PEBP4: variants seen among roughly 807,000 people sequenced by gnomAD.
PEBP4 encodes the protein phosphatidylethanolamine binding protein 4, also known as phosphatidylethanolamine-binding protein 4.
Under a neutral mutation model 23.9 loss-of-function variants are expected in PEBP4, and 22 were observed. That is an observed-to-expected ratio of 0.92 (90% confidence interval 0.66 to 1.31). PEBP4 has a LOEUF of 1.31. PEBP4 is among the 40% of genes most tolerant of loss of function. The probability of loss-of-function intolerance (pLI) is 0.00; values close to 1 mark genes in which losing one functional copy is unlikely to be tolerated. For missense variants in PEBP4, 324 were observed against 281.7 expected, an observed-to-expected ratio of 1.15 and a Z score of -1.07; for synonymous variants, 112 against 99.3, an observed-to-expected ratio of 1.13 and a Z score of -0.76.
intron 4 of PEBP4, among the ~76,000 whole-genome samples, chr8:22,802,111 G>A (rs1462542218): frequency 4.6e-5 from 7 of 151,960 alleles, no homozygotes; most frequent in African/African-American, 1.7e-4. Context: ...CTTCCCAAAC[G>A]CTCCGGACTG....
At chr8:22,765,835 C>T (rs934042821) in intron 4 of PEBP4, among the ~76,000 whole-genome samples, 2 of 145,216 alleles carry the variant, frequency 1.4e-5, no homozygotes, top group African/African-American at 2.6e-5. Context: ...TGTGGATCAC[C>T]ACCATTCATG....
At chr8:22,788,692 A>G (rs140569958) in intron 4 of PEBP4, among the ~76,000 whole-genome samples, 3 of 152,242 alleles carry the variant, frequency 2.0e-5, no homozygotes, top group African/African-American at 7.2e-5. Flanking sequence ...AAATTGATAC[A>G]AGGATTCTAC....
chr8:22,845,361 C>A (rs1279031138), intron 3 of PEBP4, among the ~76,000 whole-genome samples: 1 of 118,090 alleles, frequency 8.5e-6, no homozygotes, highest in Non-Finnish European at 1.8e-5. Context: ...TACCAGGACG[C>A]ATCTCTACAA....
rs578043614 is a variant in PEBP4 at position 22,739,240 on chromosome 8, C to T, written c.358-12020G>A. ...GGCACCCCAGGTGCTGCCCTCCTCCCGTGCTGCATGTAGGAGGCTGCAGGT... is the reference window on the plus strand; with the variant it reads ...GGCACCCCAGGTGCTGCCCTCCTCCTGTGCTGCATGTAGGAGGCTGCAGGT... On this transcript the variant is annotated intron_variant, in intron 4 of 6. Coordinates refer to ENST00000256404, the MANE Select transcript of PEBP4 (RefSeq NM_144962.3). Among the ~76,000 whole-genome samples the T allele has an allele frequency of 2.0e-4, 30 of 152,310 alleles. No individual in the cohort carries two copies. In the East Asian group the frequency reaches 4.0e-3, roughly 21 times the overall value.
rs947698429 is a variant in PEBP4 at position 22,713,405 on chromosome 8, T to G, written c.649A>C (p.Lys217Gln). 6 of 1,608,014 alleles carry G rather than the reference T, an allele frequency of 3.7e-6. No homozygotes were observed. The highest frequency in any genetic ancestry group is 5.1e-6 in the Non-Finnish European group (6 of 1,177,616). The change falls in exon 7 of 7, where the codon AAG (lysine) becomes CAG (glutamine). Residue 217 changes from lysine to glutamine, a missense_variant. Physicochemically the swap from Lys to Gln is moderately conservative, Grantham distance 53 (BLOSUM62 1). Transcript: ENST00000256404. ...QAPRERASEPKHKNQAEIAAC is the reference protein window; with the variant it reads ...QAPRERASEPQHKNQAEIAAC ...GCTATCTCCGCCTGGTTTTTGTGCTTGGGCTCGCTGGCCCTTTCTCTGGGA... is the reference window on the plus strand; with the variant it reads ...GCTATCTCCGCCTGGTTTTTGTGCTGGGGCTCGCTGGCCCTTTCTCTGGGA...
At chr8:22,734,857 T>G (rs1804823808) in intron 4 of PEBP4, among the ~76,000 whole-genome samples, 2 of 151,844 alleles carry the variant, frequency 1.3e-5, no homozygotes. Context: ...CTTCTAGGAG[T>G]AAGGAGTTTA....
At chr8:22,848,546 C>G (rs1231678201) in intron 3 of PEBP4, among the ~76,000 whole-genome samples, 1 of 152,150 alleles carries the variant, frequency 6.6e-6, no homozygotes, top group African/African-American at 2.4e-5. Flanking sequence ...GCTGTGCTGT[C>G]TGACGGTGCT....
intron 4 of PEBP4, among the ~76,000 whole-genome samples, chr8:22,780,368 C>T (rs1281798761): frequency 6.6e-6 from 1 of 152,136 alleles, no homozygotes; most frequent in African/African-American, 2.4e-5. Flanking sequence ...TCGACCTTTT[C>T]AATAGCTTTC....
chr8:22,878,555 A>T (rs1201660581), intron 3 of PEBP4, among the ~76,000 whole-genome samples: 1 of 152,192 alleles, frequency 6.6e-6, no homozygotes, highest in Non-Finnish European at 1.5e-5. Flanking sequence ...TCTAATCACA[A>T]AGCGCAGACA....
At chr8:22,841,795 G>A (rs773018847) in intron 3 of PEBP4, among the ~76,000 whole-genome samples, 3 of 152,230 alleles carry the variant, frequency 2.0e-5, no homozygotes, top group Non-Finnish European at 2.9e-5. Context: ...CCAAAGGGCC[G>A]CTGAGACCTG....
chr8:22,815,903 C>T (rs1178342492), intron 4 of PEBP4, among the ~76,000 whole-genome samples: 1 of 152,180 alleles, frequency 6.6e-6, no homozygotes. Flanking sequence ...CCCAAGTCCT[C>T]TCAATTCTGA....
intron 3 of PEBP4, among the ~76,000 whole-genome samples, chr8:22,856,058 A>G (rs995999625): frequency 5.3e-5 from 8 of 151,096 alleles, no homozygotes; most frequent in African/African-American, 2.4e-5. Flanking sequence ...AAAAAAAAAA[A>G]AAAAAAAAAG....
chr8:22,871,527 A>G (rs1355008407), intron 3 of PEBP4, among the ~76,000 whole-genome samples: 3 of 146,746 alleles, frequency 2.0e-5, no homozygotes, highest in Non-Finnish European at 4.5e-5. Flanking sequence ...TTACATGGTT[A>G]AGTTCTTTAG....
intron 4 of PEBP4, among the ~76,000 whole-genome samples, chr8:22,784,995 CGT>C (rs1373488607): frequency 6.6e-6 from 1 of 152,186 alleles, no homozygotes; most frequent in African/African-American, 2.4e-5. Context: ...AAACGGGCCA[CGT>C]GTGCACGGTT....
intron 4 of PEBP4, among the ~76,000 whole-genome samples, chr8:22,727,809 C>A (rs951318568): frequency 5.9e-5 from 9 of 152,198 alleles, no homozygotes; most frequent in South Asian, 2.1e-4. Flanking sequence ...CAGCCCACAA[C>A]CCTGGGGCAG....
At chr8:22,732,884 G>C (rs1283662425) in intron 4 of PEBP4, among the ~76,000 whole-genome samples, 1 of 152,184 alleles carries the variant, frequency 6.6e-6, no homozygotes, top group African/African-American at 2.4e-5. Context: ...TCTCTGGCAA[G>C]CTAGCCTGGA....
chr8:22,833,665 G>A (rs1272074139), intron 3 of PEBP4, among the ~76,000 whole-genome samples: 1 of 152,194 alleles, frequency 6.6e-6, no homozygotes, highest in Non-Finnish European at 1.5e-5. Context: ...TTGTCCTTGA[G>A]TAGGAGACTG....
intron 4 of PEBP4, among the ~76,000 whole-genome samples, chr8:22,751,301 G>A (rs1313448785): frequency 4.6e-5 from 7 of 152,078 alleles, no homozygotes; most frequent in African/African-American, 1.7e-4. Flanking sequence ...GGAGAGACCC[G>A]TGAGCTCTAG....
intron 3 of PEBP4, among the ~76,000 whole-genome samples, chr8:22,914,461 T>A (rs1188934716): frequency 1.3e-5 from 2 of 152,106 alleles, no homozygotes; most frequent in Admixed American, 1.3e-4. Context: ...TCTTCTCCCC[T>A]GGCAAAGCGG....
Sources: gnomAD v4.1 joint callset for allele counts (sites outside exome capture counted in the v4.1 genomes callset) on GRCh38, gnomAD v4.1.1 for gene constraint, MANE v1.5 for transcripts, NCBI Gene and HGNC (gene_info 2026-07-23, HGNC 2026-07-21) for gene names.